The following TMEM17 variants were observed in gnomAD, a reference collection of about 807,000 sequenced individuals.
The protein encoded by TMEM17 is transmembrane protein 17.
A neutral mutation model predicts 19.1 loss-of-function variants in TMEM17; 15 were observed. The ratio of observed to expected loss-of-function variants is 0.78; its 90% CI spans 0.52 to 1.21. The LOEUF is 1.21. Ranked by LOEUF, TMEM17 falls within the 50% of genes most tolerant of loss-of-function variation. The pLI is 0.00. For synonymous variants in TMEM17, 103 were observed against 86.9 expected (o/e 1.19, Z -1.03); for missense variants, 245 against 242.3 (o/e 1.01, Z -0.07).
At chr2:62,476,509 T>A in the TMEM17 span, among the ~76,000 whole-genome samples, 11 of 152,350 alleles carry the variant, frequency 7.2e-5, no homozygotes, top group South Asian at 2.3e-3. Flanking sequence ...AAACCCATTG[T>A]AAGTAAAAAA....
At chr2:62,462,171 T>C in the TMEM17 span, among the ~76,000 whole-genome samples, 150,777 of 152,342 alleles carry the variant, frequency 0.99, 74,619 homozygotes, top group East Asian at 1. Flanking sequence ...CGTGCCCCAG[T>C]CCTGCACTCA....
chr2:62,493,805 A>G, the TMEM17 span, among the ~76,000 whole-genome samples: 1 of 152,218 alleles, frequency 6.6e-6, no homozygotes, highest in South Asian at 2.1e-4. Context: ...ATGAAGTTCA[A>G]ACTCTTTATA....
Position 62,506,020 on chromosome 2 carries a change from G to T in TMEM17, c.100+10C>A. On this transcript the variant is annotated intron_variant, in intron 1 of 3. Coordinates refer to ENST00000335390, the MANE Select transcript of TMEM17 (RefSeq NM_198276.3). ...GGCCACACCCCCTGCACCGGGCCTC[G>T]GTCACTCACCCGGACCCTCATTGGA... 6.2e-7 allele frequency: 1 copy of T among 1,604,822 alleles called. No individual in the cohort carries two copies. The highest frequency in any genetic ancestry group is 8.5e-7 in the Non-Finnish European group (1 of 1,175,624).
intron 1 of TMEM17, among the ~76,000 whole-genome samples, chr2:62,505,742 A>G (rs993097550): frequency 3.3e-5 from 5 of 152,054 alleles, no homozygotes; most frequent in South Asian, 2.1e-4. Flanking sequence ...CTCCGGGACA[A>G]TGATGGGCCT....
At chr2:62,474,835 G>A in the TMEM17 span, among the ~76,000 whole-genome samples, 4 of 152,106 alleles carry the variant, frequency 2.6e-5, no homozygotes, top group South Asian at 8.3e-4. Flanking sequence ...TCCTCATCTC[G>A]TTCCTTGCCT....
the TMEM17 span, among the ~76,000 whole-genome samples, chr2:62,459,866 G>A: frequency 6.6e-6 from 1 of 152,204 alleles, no homozygotes; most frequent in African/African-American, 2.4e-5. Flanking sequence ...TCTAACTCCT[G>A]GACTCAGCTG....
chr2:62,474,735 A>G, the TMEM17 span, among the ~76,000 whole-genome samples: 4 of 152,114 alleles, frequency 2.6e-5, no homozygotes, highest in African/African-American at 9.7e-5. Context: ...TCCACATCCC[A>G]GGAAAACTAC....
the TMEM17 span, among the ~76,000 whole-genome samples, chr2:62,464,543 G>T: frequency 6.6e-6 from 1 of 152,178 alleles, no homozygotes; most frequent in Non-Finnish European, 1.5e-5. Flanking sequence ...TGGTATTCTT[G>T]CCAAAAGTGC....
At chr2:62,480,446 T>C in the TMEM17 span, among the ~76,000 whole-genome samples, 8 of 152,226 alleles carry the variant, frequency 5.3e-5, no homozygotes, top group African/African-American at 1.4e-4. Context: ...CTTTTTACTT[T>C]GGTTATCTGT....
the TMEM17 span, among the ~76,000 whole-genome samples, chr2:62,485,487 G>A: frequency 6.6e-6 from 1 of 151,054 alleles, no homozygotes; most frequent in East Asian, 1.9e-4. Flanking sequence ...TGCAATGGAA[G>A]TAGCTCAAAA....
the TMEM17 span, among the ~76,000 whole-genome samples, chr2:62,465,106 G>A: frequency 6.6e-6 from 1 of 152,112 alleles, no homozygotes; most frequent in African/African-American, 2.4e-5. Context: ...GATTTGTTTT[G>A]GGAAAGGGCT....
At chr2:62,453,843 G>A in the TMEM17 span, among the ~76,000 whole-genome samples, 1 of 152,200 alleles carries the variant, frequency 6.6e-6, no homozygotes, top group Non-Finnish European at 1.5e-5. Flanking sequence ...TAAAGGGTGG[G>A]GGAATTCACA....
the TMEM17 span, among the ~76,000 whole-genome samples, chr2:62,471,478 T>C: frequency 2.0e-5 from 3 of 152,250 alleles, no homozygotes; most frequent in African/African-American, 7.2e-5. Flanking sequence ...TTCAAACTTC[T>C]TGTTCAAAGG....
chr2:62,465,258 C>T, the TMEM17 span, among the ~76,000 whole-genome samples: 2 of 152,124 alleles, frequency 1.3e-5, no homozygotes, highest in Non-Finnish European at 2.9e-5. Context: ...TTCACCGCCT[C>T]AGTTATAATT....
chr2:62,460,927 T>C, the TMEM17 span, among the ~76,000 whole-genome samples: 3 of 152,196 alleles, frequency 2.0e-5, no homozygotes, highest in African/African-American at 7.2e-5. Context: ...TTCAAATGGC[T>C]GGCTAACAAG....
At chr2:62,498,251 G>A (rs1679820364), downstream of TMEM17, among the ~76,000 whole-genome samples, 1 of 151,948 alleles carries the variant, frequency 6.6e-6, no homozygotes, top group Non-Finnish European at 1.5e-5. Flanking sequence ...GCCAGGAATG[G>A]TGGCAGGTGC....
chr2:62,488,684 G>A, the TMEM17 span, among the ~76,000 whole-genome samples: 1 of 151,736 alleles, frequency 6.6e-6, no homozygotes, highest in Non-Finnish European at 1.5e-5. Flanking sequence ...TTGAATCTAC[G>A]GAAATAAAGG....
chr2:62,506,002 C>A (rs374665358), intron 1 of TMEM17, 28 bp downstream of exon 1: 1 of 1,581,494 alleles, frequency 6.3e-7, no homozygotes, highest in Non-Finnish European at 8.6e-7. Context: ...GCAGGCCACA[C>A]CCCCTGCACC....
At chr2:62,459,867 G>A in the TMEM17 span, among the ~76,000 whole-genome samples, 1 of 152,200 alleles carries the variant, frequency 6.6e-6, no homozygotes, top group Admixed American at 6.5e-5. Context: ...CTAACTCCTG[G>A]ACTCAGCTGA....
Sources: gnomAD v4.1 joint callset for allele counts (sites outside exome capture counted in the v4.1 genomes callset) on GRCh38, gnomAD v4.1.1 for gene constraint, MANE v1.5 for transcripts, NCBI Gene and HGNC (gene_info 2026-07-23, HGNC 2026-07-21) for gene names.